ARID5B: variants seen among roughly 807,000 people sequenced by gnomAD.
ARID5B encodes AT-rich interaction domain 5B, also known as AT-rich interactive domain-containing protein 5B.
In ARID5B, 13 loss-of-function variants were observed where a neutral mutation model predicts 97.2. That is an observed-to-expected ratio of 0.13 (90% CI 0.09 to 0.21). The LOEUF (loss-of-function observed/expected upper bound fraction) is 0.21, where lower values mean the gene tolerates loss of function less well. ARID5B is among the 10% of genes least tolerant of loss of function. The pLI is 1.00. For missense variants in ARID5B, 1,210 were observed against 1,465.3 expected (o/e 0.83, Z 2.84); for synonymous variants, 556 against 570.3 (o/e 0.97, Z 0.36).
chr10:61,987,336 T>C (rs891478529), intron 3 of ARID5B, among the ~76,000 whole-genome samples: 4 of 152,198 alleles, frequency 2.6e-5, no homozygotes, highest in Non-Finnish European at 4.4e-5. Context: ...TAAAAATCTA[T>C]CATGTGCTTC....
At chr10:61,908,820 A>AAAAAAAAAAAAAAAAAAAAAAAAAGAAG in intron 2 of ARID5B, among the ~76,000 whole-genome samples, 1 of 146,168 alleles carries the variant, frequency 6.8e-6, no homozygotes, top group African/African-American at 2.7e-5. Flanking sequence ...AAAAAAAAAA[A>AAAAAAAAAAAAAAAAAAAAAAAAAGAAG]AAGAAGAAGA....
chr10:62,065,863 A>G (rs902572683), intron 7 of ARID5B, among the ~76,000 whole-genome samples: 2 of 150,956 alleles, frequency 1.3e-5, no homozygotes, highest in African/African-American at 2.4e-5. Context: ...AAAAAAAAAA[A>G]AAGGAAACAA....
chr10:62,061,042 C>T (rs563806088), intron 7 of ARID5B, among the ~76,000 whole-genome samples: 4 of 152,296 alleles, frequency 2.6e-5, no homozygotes, highest in African/African-American at 9.6e-5. Context: ...TGAATGACCA[C>T]ACAATCAGCA....
At chr10:61,911,084 G>C (rs1484235676) in intron 2 of ARID5B, among the ~76,000 whole-genome samples, 1 of 152,148 alleles carries the variant, frequency 6.6e-6, no homozygotes, top group Non-Finnish European at 1.5e-5. Flanking sequence ...CCACCCCATA[G>C]TTGAGTTCCA....
intron 2 of ARID5B, among the ~76,000 whole-genome samples, chr10:61,928,669 G>C (rs1299321782): frequency 6.6e-6 from 1 of 152,190 alleles, no homozygotes; most frequent in African/African-American, 2.4e-5. Context: ...GAGAGTCCTT[G>C]AAATCTAGCA....
At chr10:61,996,937 T>G (rs954161256) in intron 3 of ARID5B, among the ~76,000 whole-genome samples, 1 of 151,734 alleles carries the variant, frequency 6.6e-6, no homozygotes, top group Non-Finnish European at 1.5e-5. Context: ...CTAACAACCT[T>G]ACTTTAAGTC....
At chr10:62,041,657 T>A (rs1210524873) in intron 4 of ARID5B, among the ~76,000 whole-genome samples, 2 of 152,200 alleles carry the variant, frequency 1.3e-5, no homozygotes, top group African/African-American at 4.8e-5. Context: ...TCCATGTTAA[T>A]CCACATACAC....
chr10:61,988,314 A>G (rs1203641448), intron 3 of ARID5B, among the ~76,000 whole-genome samples: 1 of 152,240 alleles, frequency 6.6e-6, no homozygotes. Flanking sequence ...GGGTGTCATG[A>G]CAGAAAACAG....
At chr10:61,984,505 C>T (rs1351580029) in intron 3 of ARID5B, among the ~76,000 whole-genome samples, 1 of 152,176 alleles carries the variant, frequency 6.6e-6, no homozygotes, top group East Asian at 1.9e-4. Context: ...GGACATTGAA[C>T]GTGGTCTTCC....
At chr10:61,951,465 T>G (rs540862499) in intron 3 of ARID5B, among the ~76,000 whole-genome samples, 1 of 152,358 alleles carries the variant, frequency 6.6e-6, no homozygotes, top group East Asian at 1.9e-4. Flanking sequence ...CTTCTGACCT[T>G]AAATATTGGC....
intron 4 of ARID5B, among the ~76,000 whole-genome samples, chr10:62,017,456 A>G (rs1839298610): frequency 6.6e-6 from 1 of 152,118 alleles, no homozygotes; most frequent in Non-Finnish European, 1.5e-5. Context: ...CGTCTCGAAA[A>G]AAAAAATAAG....
chr10:61,936,880 T>C (rs1042763217), intron 2 of ARID5B, among the ~76,000 whole-genome samples: 4 of 147,118 alleles, frequency 2.7e-5, no homozygotes, highest in Admixed American at 6.7e-5. Flanking sequence ...AAAAAAAACT[T>C]TGAAGTACAA....
At chr10:62,024,523 C>T (rs928097357) in intron 4 of ARID5B, 11 of 354,756 alleles carry the variant, frequency 3.1e-5, no homozygotes, top group African/African-American at 1.3e-4. Flanking sequence ...AAGGATCATA[C>T]CTCGGGACTT....
chr10:61,903,317 G>A (rs1202090212), intron 2 of ARID5B, among the ~76,000 whole-genome samples: 1 of 152,170 alleles, frequency 6.6e-6, no homozygotes, highest in Non-Finnish European at 1.5e-5. Flanking sequence ...GGCCGCGGGG[G>A]CGCTCGCCGC....
At chr10:61,955,096 A>G (rs1838374293) in intron 3 of ARID5B, among the ~76,000 whole-genome samples, 1 of 152,228 alleles carries the variant, frequency 6.6e-6, no homozygotes, top group African/African-American at 2.4e-5. Flanking sequence ...CAAGTTTAGA[A>G]TAGCCTAAAG....
In ARID5B at chr10:62,093,368, A is replaced by C. The variant is rs1249491331; in HGVS notation, c.*338A>C. On this transcript the variant is annotated 3_prime_UTR_variant, in exon 10 of 10. Transcript: ENST00000279873. Reference sequence around the variant, plus strand: ...TCTGAGTTCGGATGGTCAGGAAACAATCTGGGCAAAAAAGAGGCAGGCATT... The same window carrying C: ...TCTGAGTTCGGATGGTCAGGAAACACTCTGGGCAAAAAAGAGGCAGGCATT... 2 of 279,164 alleles carry C rather than the reference A, an allele frequency of 7.2e-6. No homozygotes were observed. Among genetic ancestry groups the C allele is most frequent in the African/African-American group, 2.1e-5 (1 of 46,564 alleles). The allele number at this position is 279,164 out of a possible 1,614,324, so 17.3% of individuals were successfully genotyped here. A position where few individuals can be genotyped will look rare whatever the true frequency, so the allele number is the denominator to read the frequency against.
chr10:62,083,168 T>C (rs1295768123), intron 8 of ARID5B, among the ~76,000 whole-genome samples: 2 of 151,678 alleles, frequency 1.3e-5, no homozygotes, highest in Non-Finnish European at 2.9e-5. Context: ...TCTTTCCAGA[T>C]ACAAGAAACA....
At chr10:61,994,860 CT>C (rs531902442) in intron 3 of ARID5B, among the ~76,000 whole-genome samples, 2 of 152,088 alleles carry the variant, frequency 1.3e-5, no homozygotes, top group Non-Finnish European at 2.9e-5. Flanking sequence ...AGGCAAAGTT[CT>C]TTTTATTGAA....
rs1840379654 is a variant in ARID5B, at chr10:62,091,857, C to G, written c.2394C>G (p.Asp798Glu). Residue 798 changes from aspartate to glutamate, a missense_variant, in exon 10 of 10, where the codon GAC becomes GAG. Physicochemically the swap from Asp to Glu is conservative, Grantham distance 45. This residue lies in a region of ARID5B where 800 missense variants were observed against 839.1 expected (regional missense o/e 0.95). Transcript: ENST00000279873. Reference protein sequence around the residue: ...FSKHHLNPLADSYVLKQEIQE... With the variant: ...FSKHHLNPLAESYVLKQEIQE... The stretch of plus-strand genomic sequence containing the variant: ...AGCATCACCTTAACCCCCTTGCTGA[C>G]TCCTACGTCCTGAAGCAAGAAATTC... The G allele has an allele frequency of 6.2e-7, 1 of 1,614,168 alleles. No homozygotes were observed. The highest frequency in any genetic ancestry group is 1.1e-5 in the South Asian group (1 of 91,080).
Sources: allele counts gnomAD v4.1 joint callset (sites outside exome capture counted in the v4.1 genomes callset), GRCh38; gene constraint gnomAD v4.1.1; regional missense constraint gnomAD v4.1.1; transcripts MANE v1.5; gene names NCBI Gene and HGNC (gene_info 2026-07-23, HGNC 2026-07-21).